Variants in SPOCK1 observed in about 807,000 individuals in gnomAD.
The protein encoded by SPOCK1 is SPARC (osteonectin), cwcv and kazal like domains proteoglycan 1, also known as testican-1.
In SPOCK1, 23 loss-of-function variants were observed where a neutral mutation model predicts 55.3. That is an observed-to-expected ratio of 0.42 (90% confidence interval 0.30 to 0.59). The LOEUF (loss-of-function observed/expected upper bound fraction) is 0.59. Ranked by LOEUF, SPOCK1 falls within the 20% of genes least tolerant of loss-of-function variation. The pLI, the probability that SPOCK1 is intolerant of heterozygous loss-of-function variation, is 0.22. For synonymous variants in SPOCK1, 226 were observed against 221.0 expected (o/e 1.02, Z -0.20); for missense variants, 499 against 552.5 (o/e 0.90, Z 0.97).
At chr5:137,481,111 G>T (rs1227413059) in intron 2 of SPOCK1, among the ~76,000 whole-genome samples, 1 of 152,130 alleles carries the variant, frequency 6.6e-6, no homozygotes, top group Non-Finnish European at 1.5e-5. Flanking sequence ...AGATTCTTCT[G>T]CATCATTCTC....
chr5:137,498,338 CG>C (rs1561551520), intron 2 of SPOCK1, 34 bp downstream of exon 2: 1 of 1,540,434 alleles, frequency 6.5e-7, no homozygotes, highest in East Asian at 2.4e-5. Flanking sequence ...CGAGAGGCTC[CG>C]CGCCCCCCAG....
intron 2 of SPOCK1, among the ~76,000 whole-genome samples, chr5:137,322,337 A>G (rs1403386039): frequency 4.0e-5 from 5 of 125,544 alleles, no homozygotes; most frequent in African/African-American, 1.1e-4. Flanking sequence ...TGTCTCAAGG[A>G]AAAAAAAAAA....
intron 6 of SPOCK1, among the ~76,000 whole-genome samples, chr5:137,002,384 T>C (rs1229252152): frequency 7.2e-5 from 11 of 152,148 alleles, no homozygotes; most frequent in Non-Finnish European, 2.9e-5. Context: ...GCTTATTTTT[T>C]TTTTCTCCCT....
intron 6 of SPOCK1, among the ~76,000 whole-genome samples, chr5:136,998,679 TGGAG>T (rs1365088269): frequency 6.6e-6 from 1 of 152,222 alleles, no homozygotes; most frequent in Non-Finnish European, 1.5e-5. Flanking sequence ...CAATATAGGA[TGGAG>T]GGAGAGCAAG....
chr5:137,342,266 C>T (rs1750448466), intron 2 of SPOCK1, among the ~76,000 whole-genome samples: 1 of 152,150 alleles, frequency 6.6e-6, no homozygotes, highest in African/African-American at 2.4e-5. Flanking sequence ...ACAGAACTGC[C>T]AGGTTTCCTT....
chr5:137,155,717 C>A (rs1754403674), intron 3 of SPOCK1, among the ~76,000 whole-genome samples: 2 of 152,184 alleles, frequency 1.3e-5, no homozygotes, highest in African/African-American at 4.8e-5. Context: ...CAAACAGTAT[C>A]CATTTCATGG....
At chr5:137,338,429 T>A (rs1038039253) in intron 2 of SPOCK1, among the ~76,000 whole-genome samples, 1 of 152,056 alleles carries the variant, frequency 6.6e-6, no homozygotes, top group Non-Finnish European at 1.5e-5. Flanking sequence ...TGATGGACAT[T>A]TGGGTTGGTT....
rs1432941348 is a variant in SPOCK1, at chr5:137,498,417, C to T, written c.142G>A (p.Val48Ile). ...FLDNDQWLST[V>I]SQYDRDKYWN... ...TACTTGTCCCGGTCGTACTGGGAGA[C>T]GGTGCTCAGCCACTGGTCATTGTCT... Residue 48 changes from valine (V) to isoleucine (I), a missense_variant, in exon 2 of 11, where the codon GTC becomes ATC. By Grantham distance (29) the Val-to-Ile change is conservative. This residue lies in a region of SPOCK1 where 386 missense variants were observed against 400.6 expected (regional missense o/e 0.96). Coordinates refer to ENST00000394945, the MANE Select transcript of SPOCK1 (RefSeq NM_004598.4). 2 of 1,608,248 alleles carry T rather than the reference C, an allele frequency of 1.2e-6. No homozygotes were observed. Among genetic ancestry groups the T allele is most frequent in the Admixed American group, 1.7e-5 (1 of 59,534 alleles).
At chr5:137,336,781 G>A (rs568349644) in intron 2 of SPOCK1, among the ~76,000 whole-genome samples, 1 of 152,310 alleles carries the variant, frequency 6.6e-6, no homozygotes, top group African/African-American at 2.4e-5. Flanking sequence ...TCTGAAAATA[G>A]GAAATACTTC....
chr5:137,206,022 G>T (rs1755516258), intron 3 of SPOCK1, among the ~76,000 whole-genome samples: 1 of 152,112 alleles, frequency 6.6e-6, no homozygotes, highest in Non-Finnish European at 1.5e-5. Context: ...AGCCAGGCAG[G>T]CAGATCAGAA....
intron 2 of SPOCK1, among the ~76,000 whole-genome samples, chr5:137,472,280 A>G (rs1753751880): frequency 6.6e-6 from 1 of 151,798 alleles, no homozygotes; most frequent in Non-Finnish European, 1.5e-5. Flanking sequence ...CCATCACACT[A>G]TCTTCTCTTC....
At chr5:137,005,685 G>A (rs1751234457) in intron 6 of SPOCK1, among the ~76,000 whole-genome samples, 1 of 152,080 alleles carries the variant, frequency 6.6e-6, no homozygotes, top group South Asian at 2.1e-4. Flanking sequence ...TGCCAGAAAT[G>A]AGAAGAGTGA....
intron 2 of SPOCK1, among the ~76,000 whole-genome samples, chr5:137,286,362 G>A (rs565493754): frequency 6.6e-6 from 1 of 152,290 alleles, no homozygotes; most frequent in South Asian, 2.1e-4. Context: ...GAACATCTAT[G>A]TGTTGCCCTG....
At chr5:137,230,218 A>G (rs1756025252) in intron 3 of SPOCK1, among the ~76,000 whole-genome samples, 3 of 152,230 alleles carry the variant, frequency 2.0e-5, no homozygotes, top group Non-Finnish European at 2.9e-5. Context: ...CTAACTTCTT[A>G]AACTTTGTGC....
chr5:137,453,962 T>C (rs1753312817), intron 2 of SPOCK1, among the ~76,000 whole-genome samples: 1 of 152,054 alleles, frequency 6.6e-6, no homozygotes, highest in Admixed American at 6.6e-5. Context: ...TAAATGCAAA[T>C]GCATGCCATG....
chr5:137,284,605 G>A (rs1209563063), intron 2 of SPOCK1, among the ~76,000 whole-genome samples: 2 of 152,208 alleles, frequency 1.3e-5, no homozygotes, highest in African/African-American at 4.8e-5. Context: ...GCCAGTCCAT[G>A]GGAAGGGCCC....
chr5:137,080,763 T>C (rs531383051), intron 5 of SPOCK1, among the ~76,000 whole-genome samples: 1 of 152,272 alleles, frequency 6.6e-6, no homozygotes, highest in Admixed American at 6.5e-5. Context: ...AGAACAAGTT[T>C]CTTGGTGAAA....
At chr5:137,419,333 T>G (rs1406696174) in intron 2 of SPOCK1, among the ~76,000 whole-genome samples, 1 of 152,186 alleles carries the variant, frequency 6.6e-6, no homozygotes, top group Non-Finnish European at 1.5e-5. Flanking sequence ...TCCAATTCTG[T>G]GAAGAAAGTC....
chr5:137,174,496 C>G (rs1234399812), intron 3 of SPOCK1, among the ~76,000 whole-genome samples: 1 of 152,208 alleles, frequency 6.6e-6, no homozygotes, highest in African/African-American at 2.4e-5. Context: ...CTGTTGCCCT[C>G]CTTTATACCA....
Sources: gnomAD v4.1 joint callset for allele counts (sites outside exome capture counted in the v4.1 genomes callset) on GRCh38, gnomAD v4.1.1 for gene constraint, gnomAD v4.1.1 regional missense constraint, MANE v1.5 for transcripts, NCBI Gene and HGNC (gene_info 2026-07-23, HGNC 2026-07-21) for gene names.